The following AKR1B15 variants were observed in gnomAD, a reference collection of about 807,000 sequenced individuals.
AKR1B15 encodes estradiol 17-beta-dehydrogenase AKR1B15.
In AKR1B15, 49 loss-of-function variants were observed where a neutral mutation model predicts 38.5. That is an observed-to-expected ratio of 1.27 (90% CI 1.01 to 1.62). The LOEUF (loss-of-function observed/expected upper bound fraction) is 1.62. Among genes scored for constraint, AKR1B15 ranks in the 40% most tolerant of loss-of-function variants. The pLI is 0.00. For synonymous variants in AKR1B15, 137 were observed against 135.5 expected (o/e 1.01, Z -0.08); for missense variants, 411 against 381.6 (o/e 1.08, Z -0.64).
rs374677147 is a variant in AKR1B15 at position 134,565,370 on chromosome 7, G to A, written c.150+601G>A. 22 of 1,558,994 alleles carry A rather than the reference G, an allele frequency of 1.4e-5. No homozygotes were observed. The East Asian group carries it at 4.1e-4, about 29-fold the overall frequency. ...GTAACACACACTGTGAAGGTCCACGGCTTCATTCTTGAAGCCAGCGAGACC... is the reference window on the plus strand; with the variant it reads ...GTAACACACACTGTGAAGGTCCACGACTTCATTCTTGAAGCCAGCGAGACC... On this transcript the variant is annotated intron_variant, in intron 3 of 11. Transcript: ENST00000457545.
rs746407140 is a variant in AKR1B15 at position 134,568,238 on chromosome 7, T to G, written c.231T>G (p.Tyr77Ter). 1.9e-6 allele frequency: 3 copies of G among 1,614,138 alleles called. No homozygotes were observed. In the Admixed American group the frequency reaches 5.0e-5, roughly 27 times the overall value. Residue 77 changes from tyrosine (Y) to a stop codon, truncating the protein, a stop_gained, in exon 4 of 12, where the codon TAT (tyrosine) becomes TAG (stop). Transcript: ENST00000457545. LOFTEE classifies it high-confidence loss of function. ...GCCACATTGACTGTGCCTATTTCTA[T>G]GAGAATCAACATGAGGTGGGAGAAG... is the stretch of plus-strand genomic sequence containing the variant. ...EYRHIDCAYF[Y>*]ENQHEVGEAI...
chr7:134,565,511 G>C, intron 3 of AKR1B15: 1 of 1,613,860 alleles, frequency 6.2e-7, no homozygotes, highest in South Asian at 1.1e-5. Flanking sequence ...CAGTACAAAA[G>C]CCAAGATGCC....
chr7:134,555,169 C>A (rs1794148455), intron 1 of AKR1B15, among the ~76,000 whole-genome samples: 1 of 152,184 alleles, frequency 6.6e-6, no homozygotes, highest in Non-Finnish European at 1.5e-5. Flanking sequence ...TGTTACAGTA[C>A]CTGCAGTCTC....
rs981646060 is a variant in AKR1B15 at position 134,549,167 on chromosome 7, T to C, written c.-229T>C. ...GACGTTCCAGGGCTCCACAGGCCAC[T>C]GTCTTCTGGAGGGGAACGGATCGAC... On this transcript the variant is annotated 5_prime_UTR_variant, in exon 1 of 12. Coordinates refer to ENST00000457545, the MANE Select transcript of AKR1B15 (RefSeq NM_001080538.3). The C allele has an allele frequency of 6.6e-6, 1 of 152,516 alleles. No individual in the cohort carries two copies. The highest frequency in any genetic ancestry group is 2.4e-5 in the African/African-American group (1 of 41,468). 9.4% of individuals were successfully genotyped at this position (152,516 alleles called of 1,614,324 possible). A position where few individuals can be genotyped will look rare whatever the true frequency, so the allele number is the denominator to read the frequency against.
At chr7:134,560,716 G>C (rs1241088322) in intron 2 of AKR1B15, among the ~76,000 whole-genome samples, 1 of 152,148 alleles carries the variant, frequency 6.6e-6, no homozygotes, top group Non-Finnish European at 1.5e-5. Flanking sequence ...AAATACAGCT[G>C]GGAAGACCAT....
At chr7:134,562,133 G>A (rs1318989551) in intron 2 of AKR1B15, among the ~76,000 whole-genome samples, 2 of 152,082 alleles carry the variant, frequency 1.3e-5, no homozygotes, top group Non-Finnish European at 2.9e-5. Context: ...ACAGACATGT[G>A]CCACTGTGTC....
intron 1 of AKR1B15, among the ~76,000 whole-genome samples, chr7:134,551,725 A>AG: frequency 6.6e-6 from 1 of 152,298 alleles, no homozygotes; most frequent in South Asian, 2.1e-4. Context: ...AGCACTGACC[A>AG]GGGGACCCCG....
chr7:134,579,370 A>C, intron 11 of AKR1B15, 137 bp from the exon 12 acceptor site: 1 of 674,886 alleles, frequency 1.5e-6, no homozygotes, highest in Admixed American at 3.4e-5. Flanking sequence ...AGGTGTAAGC[A>C]CCCTTCTTGT....
chr7:134,560,002 G>A (rs1160458097), intron 2 of AKR1B15, among the ~76,000 whole-genome samples: 7 of 152,068 alleles, frequency 4.6e-5, no homozygotes, highest in African/African-American at 1.7e-4. Flanking sequence ...TAGCTACTTG[G>A]GAGGCTGAGG....
chr7:134,561,035 C>T (rs1332141572), intron 2 of AKR1B15, among the ~76,000 whole-genome samples: 1 of 152,154 alleles, frequency 6.6e-6, no homozygotes, highest in Non-Finnish European at 1.5e-5. Flanking sequence ...GTGGTCTATT[C>T]CCAGAGAAAT....
At chr7:134,556,905 C>T (rs1794215763) in intron 2 of AKR1B15, 46 bp downstream of exon 2, 1 of 152,322 alleles carries the variant, frequency 6.6e-6, no homozygotes, top group Middle Eastern at 3.4e-3. Flanking sequence ...AAATATACTA[C>T]ATGCCCAGGT....
chr7:134,566,393 A>G (rs762586064), intron 3 of AKR1B15, among the ~76,000 whole-genome samples: 2 of 152,200 alleles, frequency 1.3e-5, no homozygotes, highest in Non-Finnish European at 1.5e-5. Flanking sequence ...TGGTTCCTGT[A>G]CACATTGAAA....
intron 6 of AKR1B15, among the ~76,000 whole-genome samples, chr7:134,572,195 A>C (rs1351274369): frequency 6.6e-6 from 1 of 152,186 alleles, no homozygotes; most frequent in East Asian, 1.9e-4. Flanking sequence ...ATCCCCATTT[A>C]TAAATAATGA....
chr7:134,554,666 A>G (rs192726191), intron 1 of AKR1B15, among the ~76,000 whole-genome samples: 8 of 152,316 alleles, frequency 5.3e-5, no homozygotes, highest in Admixed American at 5.2e-4. Flanking sequence ...AATTGACTTT[A>G]CAGAGGTAAA....
intron 1 of AKR1B15, among the ~76,000 whole-genome samples, chr7:134,550,600 T>C (rs1411166265): frequency 6.6e-6 from 1 of 152,214 alleles, no homozygotes; most frequent in Non-Finnish European, 1.5e-5. Context: ...CTACTTCTTC[T>C]AGCTATAATA....
At chr7:134,576,850 T>G (rs977737001) in intron 9 of AKR1B15, 113 bp from the exon 10 acceptor site, 1 of 976,440 alleles carries the variant, frequency 1.0e-6, no homozygotes, top group African/African-American at 1.6e-5. Context: ...TCAGTAATTA[T>G]TAGCGATTGT....
At chr7:134,578,397 G>A (rs757112570) in intron 11 of AKR1B15, among the ~76,000 whole-genome samples, 2 of 152,090 alleles carry the variant, frequency 1.3e-5, no homozygotes, top group African/African-American at 4.8e-5. Context: ...TCCCTGAGGT[G>A]GGATTGTGTT....
intron 3 of AKR1B15, chr7:134,565,416 C>G (rs768773020): frequency 9.9e-6 from 16 of 1,610,004 alleles, no homozygotes; most frequent in African/African-American, 1.3e-5. Flanking sequence ...TGGAAGGAAC[C>G]AACTCTGGAC....
At chr7:134,576,617 A>G (rs1169717356) in intron 9 of AKR1B15, among the ~76,000 whole-genome samples, 187 bp downstream of exon 9, 1 of 152,058 alleles carries the variant, frequency 6.6e-6, no homozygotes, top group Non-Finnish European at 1.5e-5. Context: ...AAGCAAAGAT[A>G]GCTTCTGTCT....
Sources: allele counts gnomAD v4.1 joint callset (sites outside exome capture counted in the v4.1 genomes callset), GRCh38; gene constraint gnomAD v4.1.1; transcripts MANE v1.5; gene names NCBI Gene and HGNC (gene_info 2026-07-23, HGNC 2026-07-21).